Variants in BOC observed in about 807,000 individuals in gnomAD.
BOC encodes brother of CDO.
BOC carries 76 observed loss-of-function variants against 112.0 expected under a neutral mutation model. That is an observed-to-expected ratio of 0.68 (90% CI 0.56 to 0.82). The LOEUF is 0.82. BOC is among the 40% of genes least tolerant of loss of function. BOC has a pLI of 0.00. For synonymous variants in BOC, 580 were observed against 599.8 expected (o/e 0.97, Z 0.48); for missense variants, 1,309 against 1,511.7 (o/e 0.87, Z 2.22).
chr3:113,253,136 C>T (rs1945837824), intron 4 of BOC, among the ~76,000 whole-genome samples: 1 of 152,156 alleles, frequency 6.6e-6, no homozygotes, highest in African/African-American at 2.4e-5. Context: ...TATACCCTTC[C>T]AGTCTTTATC....
At position 113,273,207 on chromosome 3, in the gene BOC, A is replaced by T. The variant is rs779844168; in HGVS notation, c.1100A>T (p.Gln367Leu). Reference protein sequence around the residue: ...LRNAVPLISSQRLRLSRRALR... With the variant: ...LRNAVPLISSLRLRLSRRALR... ...AATGCTGTGCCCCTCATCTCCAGCC[A>T]GCGCCTCCGGCTCTCCCGCAGGGCC... The change falls in exon 8 of 20, where the codon CAG (glutamine) becomes CTG (leucine). Residue 367 changes from glutamine to leucine, a missense_variant. Coordinates refer to ENST00000682979, the MANE Select transcript of BOC (RefSeq NM_001378074.1). 4.3e-6 allele frequency: 7 copies of T among 1,613,784 alleles called. No individual in the cohort carries two copies. The East Asian group carries it at 1.6e-4, about 36-fold the overall frequency.
chr3:113,250,723 G>A lies in BOC; in HGVS notation c.266G>A (p.Gly89Glu). 6.2e-7 allele frequency: 1 copy of A among 1,614,094 alleles called. No homozygotes were observed. The highest frequency in any genetic ancestry group is 1.1e-5 in the South Asian group (1 of 91,066). The change falls in exon 4 of 20, where the codon GGG becomes GAG. Residue 89 changes from glycine (G) to glutamate (E), a missense_variant. Physicochemically the swap from Gly to Glu is moderately conservative, Grantham distance 98. Coordinates refer to ENST00000682979, the MANE Select transcript of BOC (RefSeq NM_001378074.1). The part of the protein sequence containing the change: ...DDALGVLITH[G>E]TLVITALNNH... ...GCTCTGGGTGTCCTCATCACCCACG[G>A]GACCCTCGTCATCACTGCCCTTAAC...
At chr3:113,282,737 C>T (rs544252232) in intron 15 of BOC, among the ~76,000 whole-genome samples, 7 of 151,666 alleles carry the variant, frequency 4.6e-5, no homozygotes, top group South Asian at 2.1e-4. Flanking sequence ...TGGAGGCAGA[C>T]GGCACAGAGA....
At chr3:113,220,599 GA>G (rs1191335042) in intron 2 of BOC, among the ~76,000 whole-genome samples, 4 of 152,192 alleles carry the variant, frequency 2.6e-5, no homozygotes. Context: ...TAGGAGATGA[GA>G]AATTGTAGGG....
At chr3:113,217,526 CA>C (rs77047581) in intron 2 of BOC, among the ~76,000 whole-genome samples, 156 of 149,910 alleles carry the variant, frequency 1.0e-3, no homozygotes, top group Middle Eastern at 6.8e-3. Context: ...GACCCTATCT[CA>C]AAAAAAAAAA....
chr3:113,283,956 G>A (rs983080795), intron 16 of BOC, among the ~76,000 whole-genome samples: 4 of 152,076 alleles, frequency 2.6e-5, no homozygotes, highest in South Asian at 2.1e-4. Flanking sequence ...CCCTGGGTGC[G>A]GAGCTGCCTT....
rs935478023 is a variant in BOC, at chr3:113,283,464, C to G, written c.2488C>G (p.Pro830Ala). 1 of 1,613,620 alleles carries G rather than the reference C, an allele frequency of 6.2e-7. No homozygotes were observed. Residue 830 changes from proline (P) to alanine (A), a missense_variant, in exon 16 of 20, where the codon CCA (proline) becomes GCA (alanine). By Grantham distance (27) the Pro-to-Ala change is conservative. Transcript: ENST00000682979. Reference protein sequence around the residue: ...GRLPPPTLAPPQPPLPETIER... With the variant: ...GRLPPPTLAPAQPPLPETIER... Reference sequence around the variant, plus strand: ...ACTGCCACCCCCAACTCTGGCCCCACCACAGCCGCCCCTTCCTGAAACCAT... The same window carrying G: ...ACTGCCACCCCCAACTCTGGCCCCAGCACAGCCGCCCCTTCCTGAAACCAT...
chr3:113,284,824 A>G lies in BOC; in HGVS notation c.2932A>G (p.Asn978Asp). Residue 978 changes from asparagine to aspartate, a missense_variant, in exon 18 of 20, where the codon AAT (asparagine) becomes GAT (aspartate). Coordinates refer to ENST00000682979, the MANE Select transcript of BOC (RefSeq NM_001378074.1). Reference sequence around the variant, plus strand: ...CCTGCTGAGGCAGACCCATCTTGGCAATGGATATGACCCCCAAAGTCACCA... The same window carrying G: ...CCTGCTGAGGCAGACCCATCTTGGCGATGGATATGACCCCCAAAGTCACCA... ...SSLLRQTHLG[N>D]GYDPQSHQIT... 6 of 1,614,212 alleles carry G rather than the reference A, an allele frequency of 3.7e-6. No individual in the cohort carries two copies. The highest frequency in any genetic ancestry group is 5.1e-6 in the Non-Finnish European group (6 of 1,180,032).
chr3:113,218,685 T>C (rs533931086), intron 2 of BOC, among the ~76,000 whole-genome samples: 2 of 152,380 alleles, frequency 1.3e-5, no homozygotes, highest in South Asian at 4.1e-4. Context: ...TCATCCAATG[T>C]ACAGACTTCT....
Position 113,274,677 on chromosome 3 carries a change from C to A in BOC, c.1537C>A (p.Arg513Ser). ...APILYYVVKHRKQVTNSSDDW... is the reference protein window; with the variant it reads ...APILYYVVKHSKQVTNSSDDW... ...AATCCTCTACTATGTGGTGAAACAC[C>A]GCAAGGTATGGCCCTGGTGTGGGGC... The change falls in exon 9 of 20, where the codon CGC becomes AGC. Residue 513 changes from arginine to serine, a missense_variant. Physicochemically the swap from Arg to Ser is moderately radical, Grantham distance 110. Transcript: ENST00000682979. This position sits in a 1 kb window ranked among gnomAD's most constrained non-coding sequence, Gnocchi z 4.8. 1 of 1,591,270 alleles carries A rather than the reference C, an allele frequency of 6.3e-7. No homozygotes were observed. The highest frequency in any genetic ancestry group is 8.6e-7 in the Non-Finnish European group (1 of 1,164,154).
intron 2 of BOC, among the ~76,000 whole-genome samples, chr3:113,233,959 C>T (rs1412226358): frequency 6.6e-6 from 1 of 152,152 alleles, no homozygotes; most frequent in Non-Finnish European, 1.5e-5. Context: ...TCAAGCTCCA[C>T]TTTGCAGCCG....
intron 2 of BOC, among the ~76,000 whole-genome samples, chr3:113,221,829 T>G (rs1161537026): frequency 2.0e-5 from 3 of 152,152 alleles, no homozygotes; most frequent in African/African-American, 7.2e-5. Flanking sequence ...ACCTCACTCC[T>G]TCCCTCTCAG....
At chr3:113,237,655 A>T (rs41374946) in intron 2 of BOC, among the ~76,000 whole-genome samples, 9,490 of 152,276 alleles carry the variant, frequency 0.062, 400 homozygotes, top group African/African-American at 0.12. Context: ...TTAGAACCTC[A>T]TCAACATTCA....
chr3:113,215,598 G>A (rs1051297687), intron 1 of BOC, among the ~76,000 whole-genome samples: 8 of 152,082 alleles, frequency 5.3e-5, no homozygotes, highest in South Asian at 2.1e-4. Context: ...TTGCTGGCAC[G>A]TGGCTGGGCC....
At chr3:113,221,874 C>G (rs1293282119) in intron 2 of BOC, among the ~76,000 whole-genome samples, 1 of 152,144 alleles carries the variant, frequency 6.6e-6, no homozygotes, top group African/African-American at 2.4e-5. Context: ...CTGAGGCCTC[C>G]CTTCCCCCCT....
intron 16 of BOC, 37 bp from the exon 17 acceptor site, chr3:113,284,298 T>A (rs1949470188): frequency 6.3e-7 from 1 of 1,578,770 alleles, no homozygotes; most frequent in East Asian, 2.2e-5. Flanking sequence ...CCGGGCTACC[T>A]TGGCCTAAGC....
Position 113,280,420 on chromosome 3 carries a change from A to G in BOC, c.2206-138A>G. On this transcript the variant is annotated intron_variant, in intron 13 of 19. Coordinates refer to ENST00000682979, the MANE Select transcript of BOC (RefSeq NM_001378074.1). Reference sequence around the variant, plus strand: ...ACATTTTTCAGAGAACCTCAGGGATATCATTAGAAATCTTTGCCAGGGGTC... The same window carrying G: ...ACATTTTTCAGAGAACCTCAGGGATGTCATTAGAAATCTTTGCCAGGGGTC... 6.0e-6 allele frequency: 4 copies of G among 662,864 alleles called. No homozygotes were observed. In the South Asian group the frequency reaches 7.4e-5, roughly 12 times the overall value. The allele number at this position is 662,864 out of a possible 1,614,324, so 41.1% of individuals were successfully genotyped here.
intron 1 of BOC, among the ~76,000 whole-genome samples, chr3:113,214,875 G>A (rs189221395): frequency 2.1e-4 from 32 of 152,280 alleles, no homozygotes; most frequent in African/African-American, 7.2e-4. Flanking sequence ...GTCAAATGAT[G>A]GTTCCTCCTC....
chr3:113,270,564 AGTC>A lies in BOC; in HGVS notation c.524-236_524-234del, dbSNP rs944746850. 13 of 486,462 alleles carry A rather than the reference AGTC, an allele frequency of 2.7e-5. No homozygotes were observed. The Admixed American group carries it at 3.1e-4, about 11-fold the overall frequency. 30.1% of individuals were successfully genotyped at this position (486,462 alleles called of 1,614,324 possible). On this transcript the variant is annotated intron_variant, in intron 5 of 19. Transcript: ENST00000682979. Reference sequence around the variant, plus strand: ...AGTTGTGGCAGTTAGTCAGTCAGCCAGTCTGTTAGCTGGTTGGTTAGTTACCTT... The same window carrying A: ...AGTTGTGGCAGTTAGTCAGTCAGCCATGTTAGCTGGTTGGTTAGTTACCTT...
Sources: allele counts gnomAD v4.1 joint callset (sites outside exome capture counted in the v4.1 genomes callset), GRCh38; gene constraint gnomAD v4.1.1; non-coding constraint Gnocchi (gnomAD v3.1); transcripts MANE v1.5; gene names NCBI Gene and HGNC (gene_info 2026-07-23, HGNC 2026-07-21).